The following ANK3 variants were observed in gnomAD, a reference collection of about 807,000 sequenced individuals.
ANK3 encodes the protein ankyrin-3.
ANK3 carries 57 observed loss-of-function variants against 370.9 expected under a neutral mutation model. That is an observed-to-expected ratio of 0.15 (90% CI 0.12 to 0.19). The LOEUF (loss-of-function observed/expected upper bound fraction) is 0.19, where lower values mean the gene tolerates loss of function less well. Among genes scored for constraint, ANK3 ranks in the 10% least tolerant of loss-of-function variants. ANK3 has a pLI of 1.00. For missense variants in ANK3, 4,439 were observed against 5,302.1 expected (o/e 0.84, Z 5.06); for synonymous variants, 1,929 against 1,946.3 (o/e 0.99, Z 0.23).
chr10:60,639,357 T>G (rs914885377), intron 1 of ANK3, among the ~76,000 whole-genome samples: 1 of 151,080 alleles, frequency 6.6e-6, no homozygotes, highest in African/African-American at 2.4e-5. Flanking sequence ...CCACTAGACC[T>G]CCACTAAAAG....
chr10:60,145,355 T>A (rs554265726), intron 23 of ANK3, among the ~76,000 whole-genome samples: 5 of 152,292 alleles, frequency 3.3e-5, no homozygotes, highest in South Asian at 4.1e-4. Context: ...AGATTAATGA[T>A]CAAACTTGAC....
intron 1 of ANK3, among the ~76,000 whole-genome samples, chr10:60,356,956 G>A (rs867301876): frequency 4.6e-5 from 7 of 152,098 alleles, no homozygotes; most frequent in African/African-American, 7.2e-5. Flanking sequence ...TGATCCACCC[G>A]CCTTGGCCTC....
Position 60,226,085 on chromosome 10 carries a change from A to C in ANK3, c.897+8603T>G, listed in dbSNP as rs1422127803. 2.8e-5 allele frequency among the ~76,000 whole-genome samples: 4 copies of C among 141,558 alleles called. No individual in the cohort carries two copies. In the South Asian group the frequency reaches 8.5e-4, roughly 30 times the overall value. The allele number at this position is 141,558 out of a possible 152,430, so 92.9% of individuals were successfully genotyped here. A position where few individuals can be genotyped will look rare whatever the true frequency, so the allele number is the denominator to read the frequency against. ...ATATATTATATATAATATAGAGGAT[A>C]TAGTATATATCTAAATAGTATTTAC... On this transcript the variant is annotated intron_variant, in intron 8 of 43. Transcript: ENST00000280772.
At chr10:60,680,024 A>T (rs1051413702) in intron 1 of ANK3, among the ~76,000 whole-genome samples, 1 of 151,420 alleles carries the variant, frequency 6.6e-6, no homozygotes, top group Non-Finnish European at 1.5e-5. Flanking sequence ...AGTCCCGGCT[A>T]CTCAGGAGGT....
chr10:60,282,045 G>A (rs1043927210), intron 1 of ANK3, among the ~76,000 whole-genome samples: 1 of 152,150 alleles, frequency 6.6e-6, no homozygotes, highest in Admixed American at 6.5e-5. Flanking sequence ...AACTAAATTA[G>A]CCACGCAAGG....
At chr10:60,617,640 T>A (rs2078283237) in intron 1 of ANK3, among the ~76,000 whole-genome samples, 1 of 152,192 alleles carries the variant, frequency 6.6e-6, no homozygotes, top group Non-Finnish European at 1.5e-5. Context: ...GCTGTTCATT[T>A]CTCTTCCTCT....
At chr10:60,580,272 C>A (rs1306475243) in intron 2 of ANK3, among the ~76,000 whole-genome samples, 2 of 152,152 alleles carry the variant, frequency 1.3e-5, no homozygotes, top group Non-Finnish European at 2.9e-5. Flanking sequence ...AAAGAAGACA[C>A]AGCCTCTATT....
intron 25 of ANK3, among the ~76,000 whole-genome samples, chr10:60,132,813 C>T (rs757229195): frequency 1.2e-4 from 9 of 76,074 alleles, no homozygotes; most frequent in Admixed American, 3.7e-4. Flanking sequence ...GACGGGGTTT[C>T]ACCACGTTGG....
At chr10:60,727,838 A>T (rs1005027021) in intron 1 of ANK3, among the ~76,000 whole-genome samples, 2 of 152,196 alleles carry the variant, frequency 1.3e-5, no homozygotes, top group African/African-American at 4.8e-5. Flanking sequence ...TTAAAAGTTC[A>T]TTGAAACAGT....
chr10:60,208,961 C>A (rs1303610608), intron 9 of ANK3, among the ~76,000 whole-genome samples: 1 of 152,166 alleles, frequency 6.6e-6, no homozygotes, highest in African/African-American at 2.4e-5. Flanking sequence ...GGTTCAATAA[C>A]ACAGTTAATC....
intron 1 of ANK3, among the ~76,000 whole-genome samples, chr10:60,633,958 G>C (rs141741662): frequency 2.0e-5 from 3 of 152,266 alleles, no homozygotes; most frequent in Non-Finnish European, 4.4e-5. Context: ...ACATAAGACG[G>C]ACAAAGAAAT....
At chr10:60,438,537 G>A (rs2064214738) in intron 2 of ANK3, among the ~76,000 whole-genome samples, 1 of 152,104 alleles carries the variant, frequency 6.6e-6, no homozygotes, top group Non-Finnish European at 1.5e-5. Flanking sequence ...CCAAGTGTGG[G>A]GAAGAGTAAG....
chr10:60,135,244 T>C (rs2094284352), intron 24 of ANK3, among the ~76,000 whole-genome samples: 1 of 152,224 alleles, frequency 6.6e-6, no homozygotes, highest in Non-Finnish European at 1.5e-5. Flanking sequence ...CAGAACACCC[T>C]GTGATCTTCC....
Position 60,572,846 on chromosome 10 carries a change from T to C in ANK3, c.96+42340A>G, listed in dbSNP as rs779012218. On this transcript the variant is annotated intron_variant, in intron 2 of 43. Transcript: ENST00000373827. ...CCTGAGATAAGGTCCTGACAAGACT[T>C]TGTTGCTTGTTCCTCCACAGTGATT... is the stretch of plus-strand genomic sequence containing the variant. The C allele has an allele frequency of 1.1e-5, 12 of 1,085,606 alleles. No homozygotes were observed. The Admixed American group carries it at 3.4e-4, about 31-fold the overall frequency. 67.2% of individuals were successfully genotyped at this position (1,085,606 alleles called of 1,614,324 possible).
chr10:60,552,241 A>C (rs1462881181), intron 2 of ANK3, among the ~76,000 whole-genome samples: 1 of 152,202 alleles, frequency 6.6e-6, no homozygotes, highest in Non-Finnish European at 1.5e-5. Flanking sequence ...GTTAATCTAC[A>C]ATTAGAAATA....
chr10:60,273,887 G>T (rs1377429792), intron 4 of ANK3, among the ~76,000 whole-genome samples: 1 of 152,178 alleles, frequency 6.6e-6, no homozygotes, highest in Non-Finnish European at 1.5e-5. Flanking sequence ...CCATGATTGT[G>T]AGGCCTTCTC....
At chr10:60,491,237 T>G (rs1234778553) in intron 2 of ANK3, among the ~76,000 whole-genome samples, 2 of 152,170 alleles carry the variant, frequency 1.3e-5, no homozygotes, top group East Asian at 3.8e-4. Flanking sequence ...AAATCAACAT[T>G]TGTATATTAG....
At chr10:60,578,651 A>G (rs1280377166) in intron 2 of ANK3, among the ~76,000 whole-genome samples, 3 of 152,098 alleles carry the variant, frequency 2.0e-5, no homozygotes, top group African/African-American at 7.2e-5. Context: ...GCTTTCTTTT[A>G]TTGCTGTGGA....
chr10:60,357,553 T>C (rs1048610220), intron 1 of ANK3, among the ~76,000 whole-genome samples: 2 of 104,654 alleles, frequency 1.9e-5, no homozygotes, highest in Non-Finnish European at 4.3e-5. Context: ...GAAATCGAGT[T>C]GCACAGTTGA....
Sources: gnomAD v4.1 joint callset for allele counts (sites outside exome capture counted in the v4.1 genomes callset) on GRCh38, gnomAD v4.1.1 for gene constraint, MANE v1.5 for transcripts, NCBI Gene and HGNC (gene_info 2026-07-23, HGNC 2026-07-21) for gene names.